Variants in ANO6 observed in about 807,000 individuals in gnomAD.
ANO6 encodes the protein anoctamin-6.
Under a neutral mutation model 117.5 loss-of-function variants are expected in ANO6, and 106 were observed. That is an observed-to-expected ratio of 0.90 (90% CI 0.77 to 1.06). The LOEUF (loss-of-function observed/expected upper bound fraction) is 1.06. ANO6 is among the 50% of genes least tolerant of loss of function. The pLI is 0.00. For synonymous variants in ANO6, 367 were observed against 385.1 expected, an observed-to-expected ratio of 0.95 and a Z score of 0.55; for missense variants, 955 against 1,121.1, an observed-to-expected ratio of 0.85 and a Z score of 2.12.
At chr12:45,269,505 A>G (rs1289200887) in intron 1 of ANO6, among the ~76,000 whole-genome samples, 1 of 152,202 alleles carries the variant, frequency 6.6e-6, no homozygotes, top group Middle Eastern at 3.2e-3. Context: ...CAGGAAAAAC[A>G]TAATTTAGCA....
intron 10 of ANO6, among the ~76,000 whole-genome samples, chr12:45,386,214 C>T (rs1229765127): frequency 6.6e-6 from 1 of 152,152 alleles, no homozygotes; most frequent in Non-Finnish European, 1.5e-5. Flanking sequence ...GATTACTACC[C>T]TGCATCTCAT....
At chr12:45,363,862 A>G (rs1043745397) in intron 8 of ANO6, among the ~76,000 whole-genome samples, 1 of 152,166 alleles carries the variant, frequency 6.6e-6, no homozygotes, top group Non-Finnish European at 1.5e-5. Context: ...GCCTTCTGCC[A>G]TGATTGTGAG....
chr12:45,367,944 A>C, intron 9 of ANO6, 151 bp downstream of exon 9: 1 of 655,900 alleles, frequency 1.5e-6, no homozygotes, highest in Non-Finnish European at 2.7e-6. Flanking sequence ...TTAATATACA[A>C]TGCTTTATTC....
At chr12:45,407,433 G>T (rs1462599035) in intron 15 of ANO6, among the ~76,000 whole-genome samples, 1 of 147,628 alleles carries the variant, frequency 6.8e-6, no homozygotes, top group Non-Finnish European at 1.5e-5. Context: ...TTAGAGTTCG[G>T]TGTCATGAAG....
chr12:45,240,493 G>A (rs918735820), intron 1 of ANO6, among the ~76,000 whole-genome samples: 59 of 149,888 alleles, frequency 3.9e-4, no homozygotes, highest in African/African-American at 1.4e-3. Flanking sequence ...ATGGGTCTTG[G>A]CTCTTTATCC....
At chr12:45,361,667 A>G (rs1941559019) in intron 8 of ANO6, among the ~76,000 whole-genome samples, 1 of 152,062 alleles carries the variant, frequency 6.6e-6, no homozygotes, top group Non-Finnish European at 1.5e-5. Context: ...GGAAAGTTCT[A>G]TTCCTAGTTT....
At chr12:45,386,817 G>T (rs1383238954) in intron 10 of ANO6, among the ~76,000 whole-genome samples, 7 of 152,182 alleles carry the variant, frequency 4.6e-5, no homozygotes, top group Admixed American at 1.3e-4. Context: ...GCTCCCTGGG[G>T]GTAGGTGGCC....
rs781354389 is a variant in ANO6 at position 45,331,297 on chromosome 12, A to G, written c.153A>G (p.Glu51=). The change falls in exon 3 of 20, where the codon GAA becomes GAG. Residue 51 remains glutamate, a splice_region_variant and synonymous_variant. Coordinates refer to ENST00000320560, the MANE Select transcript of ANO6 (RefSeq NM_001025356.3). The stretch of plus-strand genomic sequence containing the variant: ...ATTTGTTTTTCTGTTTTACACAGGA[A>G]GAATTTAATGGAAAACCTGACTCCC... ...SQHDFRTPEF[E]EFNGKPDSLF... 2 of 1,608,232 alleles carry G rather than the reference A, an allele frequency of 1.2e-6. No individual in the cohort carries two copies. Among genetic ancestry groups the G allele is most frequent in the African/African-American group, 1.3e-5 (1 of 74,724 alleles).
At chr12:45,305,301 C>A (rs1256046642) in intron 2 of ANO6, among the ~76,000 whole-genome samples, 1 of 152,176 alleles carries the variant, frequency 6.6e-6, no homozygotes, top group Non-Finnish European at 1.5e-5. Flanking sequence ...TGGTGGAAAA[C>A]TGTCCCAATC....
chr12:45,426,499 T>G (rs1451717686), intron 19 of ANO6, among the ~76,000 whole-genome samples: 1 of 152,090 alleles, frequency 6.6e-6, no homozygotes, highest in Non-Finnish European at 1.5e-5. Flanking sequence ...TCTATCATGC[T>G]TTCACCCCCT....
rs200252856 is a variant in ANO6, at chr12:45,245,960, A to C, written c.70+29569A>C. Among the ~76,000 whole-genome samples, 1,223 of 151,330 alleles carry C rather than the reference A, an allele frequency of 8.1e-3. 11 individuals are homozygous for C. The highest frequency in any genetic ancestry group is 0.011 in the Non-Finnish European group (773 of 67,844). On this transcript the variant is annotated intron_variant, in intron 1 of 19. Transcript: ENST00000320560. ...ACATTTTAGTCAAAAAAAAAAAAAA[A>C]CCCAAGAACATTATTAAGTTGATGG... is the stretch of plus-strand genomic sequence containing the variant.
chr12:45,427,714 A>G (rs1232325333), intron 19 of ANO6, among the ~76,000 whole-genome samples: 1 of 150,744 alleles, frequency 6.6e-6, no homozygotes, highest in Middle Eastern at 3.2e-3. Context: ...GGGAAAGTCC[A>G]TTTCATAATC....
At chr12:45,288,505 G>A (rs1419004522) in intron 1 of ANO6, among the ~76,000 whole-genome samples, 1 of 152,006 alleles carries the variant, frequency 6.6e-6, no homozygotes, top group East Asian at 1.9e-4. Flanking sequence ...TTGTCCTTTT[G>A]TGACTGGTTT....
intron 1 of ANO6, among the ~76,000 whole-genome samples, chr12:45,225,744 C>A (rs940472245): frequency 2.0e-5 from 3 of 152,176 alleles, no homozygotes; most frequent in African/African-American, 7.2e-5. Flanking sequence ...CCGCCTCGGC[C>A]TTCCAAAGTG....
chr12:45,224,975 G>A (rs1198619789), intron 1 of ANO6, among the ~76,000 whole-genome samples: 1 of 152,118 alleles, frequency 6.6e-6, no homozygotes. Context: ...AATATTGCTT[G>A]AGCGAAAGAG....
Position 45,425,427 on chromosome 12 carries a change from C to A in ANO6, c.2526+2365C>A, listed in dbSNP as rs991802260. On this transcript the variant is annotated intron_variant, in intron 19 of 19. Transcript: ENST00000320560. ...ATGCATCAAACAGAATAAAGAAATCCACTTACACATATTGCAAGGAAAATG... is the reference window on the plus strand; with the variant it reads ...ATGCATCAAACAGAATAAAGAAATCAACTTACACATATTGCAAGGAAAATG... Among the ~76,000 whole-genome samples the A allele has an allele frequency of 3.8e-4, 58 of 152,078 alleles. 1 individual carries two copies. Among genetic ancestry groups the A allele is most frequent in the African/African-American group, 1.4e-3 (57 of 41,412 alleles).
chr12:45,420,637 A>G (rs766393874), intron 17 of ANO6, among the ~76,000 whole-genome samples: 4 of 151,514 alleles, frequency 2.6e-5, no homozygotes, highest in Non-Finnish European at 4.4e-5. Context: ...TTAAGAAAAA[A>G]TTAAGATTTC....
intron 1 of ANO6, among the ~76,000 whole-genome samples, chr12:45,301,210 T>A (rs1248475668): frequency 1.4e-5 from 2 of 147,396 alleles, no homozygotes; most frequent in African/African-American, 5.0e-5. Flanking sequence ...TTAAATAAAT[T>A]ATGTTATTAA....
At chr12:45,300,405 C>T (rs929301710) in intron 1 of ANO6, among the ~76,000 whole-genome samples, 1 of 152,178 alleles carries the variant, frequency 6.6e-6, no homozygotes, top group Admixed American at 6.5e-5. Flanking sequence ...TCTCAAACTC[C>T]TGGGCTTGTG....
Sources: allele counts gnomAD v4.1 joint callset (sites outside exome capture counted in the v4.1 genomes callset), GRCh38; gene constraint gnomAD v4.1.1; transcripts MANE v1.5; gene names NCBI Gene and HGNC (gene_info 2026-07-23, HGNC 2026-07-21).